The following MCM8 variants were observed in gnomAD, a reference collection of about 807,000 sequenced individuals.
MCM8 encodes the protein minichromosome maintenance 8 homologous recombination repair factor.
Under a neutral mutation model 98.9 loss-of-function variants are expected in MCM8, and 85 were observed. That is an observed-to-expected ratio of 0.86 (90% CI 0.72 to 1.03). MCM8 has a LOEUF of 1.03. Among genes scored for constraint, MCM8 ranks in the 50% least tolerant of loss-of-function variants. The pLI, the probability that MCM8 is intolerant of heterozygous loss-of-function variation, is 0.00. For missense variants in MCM8, 951 were observed against 997.8 expected (o/e 0.95, Z 0.63); for synonymous variants, 352 against 338.6 (o/e 1.04, Z -0.44).
Position 5,993,593 on chromosome 20 carries a change from G to A in MCM8, c.2328G>A (p.Ala776=). ...HGSGMSNRST[A]KRFISALNNV... ...CTGGAATGAGCAACAGGTCAACAGC[G>A]AAAAGATTTATTTCTGCTCTCAACA... The change falls in exon 18 of 19, where the codon GCG becomes GCA. Residue 776 remains alanine (A), a synonymous_variant. Transcript: ENST00000610722. 2.5e-6 allele frequency: 4 copies of A among 1,612,386 alleles called. No homozygotes were observed. The highest frequency in any genetic ancestry group is 3.4e-6 in the Non-Finnish European group (4 of 1,178,788).
intron 5 of MCM8, among the ~76,000 whole-genome samples, chr20:5,956,851 T>C (rs1168265565): frequency 1.3e-5 from 2 of 152,026 alleles, no homozygotes; most frequent in African/African-American, 4.8e-5. Flanking sequence ...TTTTGGGGAC[T>C]AATGTAAGGG....
intron 3 of MCM8, among the ~76,000 whole-genome samples, 168 bp from the exon 4 acceptor site, chr20:5,954,440 T>G (rs1203108702): frequency 1.3e-5 from 2 of 152,218 alleles, no homozygotes. Flanking sequence ...TAAATTTGTT[T>G]TAGAATCTTA....
At chr20:5,971,002 C>T (rs748760006) in intron 10 of MCM8, among the ~76,000 whole-genome samples, 5 of 151,684 alleles carry the variant, frequency 3.3e-5, no homozygotes, top group Non-Finnish European at 7.4e-5. Flanking sequence ...TTATAGATAT[C>T]GGGGTCTCAC....
intron 10 of MCM8, among the ~76,000 whole-genome samples, chr20:5,970,714 G>A (rs2089384906): frequency 6.6e-6 from 1 of 152,152 alleles, no homozygotes; most frequent in African/African-American, 2.4e-5. Context: ...AGGGAATAAA[G>A]ACTCATGTTT....
intron 8 of MCM8, among the ~76,000 whole-genome samples, chr20:5,965,846 A>C (rs2089264755): frequency 6.6e-6 from 1 of 152,150 alleles, no homozygotes; most frequent in Non-Finnish European, 1.5e-5. Context: ...AATACATGGA[A>C]TCCACCTTTT....
intron 10 of MCM8, among the ~76,000 whole-genome samples, chr20:5,971,617 C>G (rs2089405042): frequency 6.6e-6 from 1 of 152,194 alleles, no homozygotes. Context: ...GTTCACTTCT[C>G]AGTCTCCTTT....
intron 17 of MCM8, 118 bp downstream of exon 17, chr20:5,987,476 AACAGAGT>A (rs1290064106): frequency 1.5e-6 from 1 of 689,566 alleles, no homozygotes; most frequent in Non-Finnish European, 2.4e-6. Context: ...TTTCCTCCTA[AACAGAGT>A]ACCGTTTCTT....
chr20:5,987,372 T>G lies in MCM8; in HGVS notation c.2240+14T>G. On this transcript the variant is annotated intron_variant, in intron 17 of 18. Coordinates refer to ENST00000610722, the MANE Select transcript of MCM8 (RefSeq NM_032485.6). Reference sequence around the variant, plus strand: ...TATGAAATATAGGTAAGATAAAAATTTCAAATTGTTTTAAATGAAATACCA... The same window carrying G: ...TATGAAATATAGGTAAGATAAAAATGTCAAATTGTTTTAAATGAAATACCA... The G allele has an allele frequency of 6.3e-7, 1 of 1,595,780 alleles. No homozygotes were observed.
chr20:5,955,133 T>G lies in MCM8; in HGVS notation c.368T>G (p.Val123Gly). ...DEIERKGSIL[V>G]DFKELTEGGE... ...ATAGAAAGAAAGGGAAGTATTTTGG[T>G]AGATTTTAAAGAACTGACAGAAGGT... Residue 123 changes from valine (V) to glycine (G), a missense_variant, in exon 5 of 19, where the codon GTA (valine) becomes GGA (glycine). Val to Gly is a moderately radical substitution (Grantham distance 109). Transcript: ENST00000610722. 5 of 1,606,080 alleles carry G rather than the reference T, an allele frequency of 3.1e-6. No individual in the cohort carries two copies. Among genetic ancestry groups the G allele is most frequent in the Non-Finnish European group, 4.3e-6 (5 of 1,173,604 alleles).
Position 5,994,648 on chromosome 20 carries a change from C to A in MCM8, c.*257C>A. On this transcript the variant is annotated 3_prime_UTR_variant, in exon 19 of 19. Transcript: ENST00000610722. ...GATGCAGTAGCTCACACTGTAATCACAGTGACTCAGGAGGCTGAGGTGAGA... is the reference window on the plus strand; with the variant it reads ...GATGCAGTAGCTCACACTGTAATCAAAGTGACTCAGGAGGCTGAGGTGAGA... 2.1e-6 allele frequency: 1 copy of A among 480,852 alleles called. No individual in the cohort carries two copies. The highest frequency in any genetic ancestry group is 3.9e-6 in the Non-Finnish European group (1 of 259,696). The allele number at this position is 480,852 out of a possible 1,614,324, so 29.8% of individuals were successfully genotyped here.
At chr20:5,957,991 T>A (rs1312081125) in intron 6 of MCM8, among the ~76,000 whole-genome samples, 1 of 150,124 alleles carries the variant, frequency 6.7e-6, no homozygotes, top group Non-Finnish European at 1.5e-5. Context: ...TTTGGCATTA[T>A]TTTTTTCCTT....
At chr20:5,953,822 C>T (rs2088899869) in intron 3 of MCM8, among the ~76,000 whole-genome samples, 1 of 152,042 alleles carries the variant, frequency 6.6e-6, no homozygotes, top group Non-Finnish European at 1.5e-5. Flanking sequence ...CCAGGACCCT[C>T]CCTGCCCCAT....
intron 12 of MCM8, among the ~76,000 whole-genome samples, chr20:5,975,458 A>G (rs967618918): frequency 1.3e-5 from 2 of 151,206 alleles, no homozygotes; most frequent in African/African-American, 4.9e-5. Flanking sequence ...CATAATTTAT[A>G]CATACTGCTT....
intron 14 of MCM8, among the ~76,000 whole-genome samples, chr20:5,983,903 A>G (rs560585802): frequency 2.6e-5 from 4 of 152,240 alleles, no homozygotes; most frequent in Non-Finnish European, 4.4e-5. Flanking sequence ...GCTGCCAAAC[A>G]TTGGAAACAC....
At chr20:5,987,171 C>G in intron 16 of MCM8, 111 bp from the exon 17 acceptor site, 4 of 1,031,226 alleles carry the variant, frequency 3.9e-6, no homozygotes, top group Non-Finnish European at 4.3e-6. Context: ...TATAACCTTC[C>G]TCGCCTAAAG....
At position 5,958,645 on chromosome 20, in the gene MCM8, C is replaced by T. The variant is rs747117274; in HGVS notation, c.708C>T (p.Thr236=). 1.2e-6 allele frequency: 2 copies of T among 1,614,118 alleles called. No homozygotes were observed. Among genetic ancestry groups the T allele is most frequent in the Non-Finnish European group, 1.7e-6 (2 of 1,180,002 alleles). ...TCAGTAATATAAAGCCTCTTTGCAC[C>T]AAGATGGCTTTTCTTTGTGCTGCAT... ...VRVSNIKPLC[T]KMAFLCAACG... is the part of the protein sequence containing the mutation. The change falls in exon 7 of 19, where the codon ACC becomes ACT. Residue 236 remains threonine (T), a synonymous_variant. Transcript: ENST00000610722.
chr20:5,962,252 AGTCTCAGAAGTC>A (rs1402421412), intron 7 of MCM8, among the ~76,000 whole-genome samples: 1 of 150,612 alleles, frequency 6.6e-6, no homozygotes, highest in African/African-American at 2.4e-5. Flanking sequence ...TTTGTGAGCT[AGTCTCAGAAGTC>A]GTGCAACATC....
At chr20:5,955,274 C>T in intron 5 of MCM8, 23 bp downstream of exon 5, 3 of 1,600,764 alleles carry the variant, frequency 1.9e-6, no homozygotes, top group Non-Finnish European at 2.6e-6. Context: ...CTTATGCATA[C>T]TTTTGTCTAA....
At position 5,955,177 on chromosome 20, in the gene MCM8, A is replaced by G. The variant is rs781597825; in HGVS notation, c.412A>G (p.Ile138Val). 46 of 1,613,878 alleles carry G rather than the reference A, an allele frequency of 2.9e-5. No individual in the cohort carries two copies. The highest frequency in any genetic ancestry group is 1.6e-4 in the Middle Eastern group (1 of 6,080). Residue 138 changes from isoleucine (I) to valine (V), a missense_variant, in exon 5 of 19, where the codon ATA (isoleucine) becomes GTA (valine). Physicochemically the swap from Ile to Val is conservative, Grantham distance 29. Transcript: ENST00000610722. ...AGAAGGTGGTGAAGTAACTAACTTG[A>G]TACCAGATATAGCAACTGAACTAAG... ...LTEGGEVTNL[I>V]PDIATELRDA... is the part of the protein sequence containing the mutation.
Sources: allele counts gnomAD v4.1 joint callset (sites outside exome capture counted in the v4.1 genomes callset), GRCh38; gene constraint gnomAD v4.1.1; transcripts MANE v1.5; gene names NCBI Gene and HGNC (gene_info 2026-07-23, HGNC 2026-07-21).